Variants in CCDC7 observed in about 807,000 individuals in gnomAD.
CCDC7 encodes the protein coiled-coil domain-containing protein 7.
A neutral mutation model predicts 196.9 loss-of-function variants in CCDC7; 183 were observed. That is an observed-to-expected ratio of 0.93 (90% CI 0.82 to 1.05). CCDC7 has a LOEUF of 1.05. Ranked by LOEUF, CCDC7 falls within the 50% of genes least tolerant of loss-of-function variation. CCDC7 has a pLI of 0.00. For synonymous variants in CCDC7, 525 were observed against 484.6 expected (o/e 1.08, Z -1.10); for missense variants, 1,540 against 1,482.2 (o/e 1.04, Z -0.64).
At chr10:32,448,992 C>T (rs1432731766), upstream of CCDC7, among the ~76,000 whole-genome samples, 1 of 151,930 alleles carries the variant, frequency 6.6e-6, no homozygotes, top group African/African-American at 2.4e-5. Flanking sequence ...TATTCTTCAG[C>T]AGTATTATTT....
intron 28 of CCDC7, among the ~76,000 whole-genome samples, chr10:32,749,196 GT>G (rs950468567): frequency 6.6e-6 from 1 of 152,168 alleles, no homozygotes; most frequent in Non-Finnish European, 1.5e-5. Flanking sequence ...TCTAAGAAGA[GT>G]TATTTTTCAA....
chr10:32,683,612 G>A (rs570226874), intron 21 of CCDC7, among the ~76,000 whole-genome samples: 11 of 152,268 alleles, frequency 7.2e-5, no homozygotes, highest in South Asian at 2.1e-4. Context: ...CTATGAGCAC[G>A]GAATGTTTTT....
At chr10:32,468,315 T>C (rs2037262928) in intron 5 of CCDC7, among the ~76,000 whole-genome samples, 1 of 148,198 alleles carries the variant, frequency 6.7e-6, no homozygotes, top group Non-Finnish European at 1.5e-5. Context: ...CCTGGTTAGC[T>C]GTATTCCTAG....
intron 28 of CCDC7, among the ~76,000 whole-genome samples, chr10:32,770,447 T>G (rs2079003447): frequency 6.6e-6 from 1 of 152,186 alleles, no homozygotes. Context: ...TGGAATTGAT[T>G]TCTAGTTTTA....
chr10:32,506,097 TC>T (rs1371133782), intron 9 of CCDC7, among the ~76,000 whole-genome samples: 9 of 143,920 alleles, frequency 6.3e-5, no homozygotes, highest in South Asian at 2.2e-4. Flanking sequence ...GCTCCTCACT[TC>T]CCAGACAGGG....
rs150271085 is a variant in CCDC7, at chr10:32,552,674, A to G, written c.1134+8373A>G. On this transcript the variant is annotated intron_variant, in intron 13 of 41. Transcript: ENST00000639629. ...AAAAGACTGTATCTCTCCTTCATAT[A>G]TAATGCTTAGTTTCGCTAGATACAA... Among the ~76,000 whole-genome samples, 56 of 152,272 alleles carry G rather than the reference A, an allele frequency of 3.7e-4. No homozygotes were observed. In the East Asian group the frequency reaches 0.01, roughly 28 times the overall value.
intron 32 of CCDC7, among the ~76,000 whole-genome samples, chr10:32,832,826 G>T (rs543657679): frequency 6.6e-6 from 1 of 151,770 alleles, no homozygotes; most frequent in South Asian, 2.1e-4. Context: ...TAATTGTGTG[G>T]TACCATATAT....
intron 12 of CCDC7, 120 bp downstream of exon 13, chr10:32,543,505 T>G (rs973162310): frequency 2.9e-6 from 3 of 1,028,260 alleles, no homozygotes; most frequent in Non-Finnish European, 3.8e-6. Context: ...AACATAAAAT[T>G]GGCAAATACA....
At chr10:32,727,209 A>T (rs1388958253) in intron 26 of CCDC7, among the ~76,000 whole-genome samples, 1 of 152,110 alleles carries the variant, frequency 6.6e-6, no homozygotes, top group Non-Finnish European at 1.5e-5. Flanking sequence ...ACAAACTGAG[A>T]GGTTGTTGAG....
intron 3 of CCDC7, among the ~76,000 whole-genome samples, chr10:32,458,996 G>A (rs530964628): frequency 1.3e-5 from 2 of 151,846 alleles, no homozygotes; most frequent in Non-Finnish European, 2.9e-5. Context: ...TCATTGTAGA[G>A]ACCTTTCACC....
intron 20 of CCDC7, among the ~76,000 whole-genome samples, chr10:32,640,113 G>A (rs758692879): frequency 5.3e-5 from 8 of 152,094 alleles, no homozygotes; most frequent in Non-Finnish European, 8.8e-5. Flanking sequence ...TTTCTGTCTC[G>A]TCGATCTGTC....
At chr10:32,570,608 T>C (rs561857738) in intron 15 of CCDC7, among the ~76,000 whole-genome samples, 48 of 152,334 alleles carry the variant, frequency 3.2e-4, no homozygotes, top group Admixed American at 5.2e-4. Context: ...GTTTGCCATC[T>C]TATGTGTGGC....
At chr10:32,805,580 AGAT>A (rs2085652082) in intron 30 of CCDC7, among the ~76,000 whole-genome samples, 1 of 152,228 alleles carries the variant, frequency 6.6e-6, no homozygotes, top group African/African-American at 2.4e-5. Context: ...AAAATAGTTC[AGAT>A]ATTATACTAC....
chr10:32,797,181 G>GTATA (rs201318562), intron 29 of CCDC7, among the ~76,000 whole-genome samples: 6 of 149,834 alleles, frequency 4.0e-5, no homozygotes, highest in Non-Finnish European at 7.4e-5. Flanking sequence ...GTGTGTGTGT[G>GTATA]TATATATATA....
intron 11 of CCDC7, among the ~76,000 whole-genome samples, chr10:32,542,420 G>T (rs1315608012): frequency 6.6e-6 from 1 of 152,062 alleles, no homozygotes; most frequent in Non-Finnish European, 1.5e-5. Context: ...ATCACCAGAG[G>T]TCAGGAGTTC....
At chr10:32,626,320 T>A (rs1034357567) in intron 18 of CCDC7, among the ~76,000 whole-genome samples, 4 of 152,104 alleles carry the variant, frequency 2.6e-5, no homozygotes, top group African/African-American at 9.6e-5. Flanking sequence ...TAATTAATGA[T>A]GTTGAGCTTT....
intron 30 of CCDC7, 91 bp from the exon 32 acceptor site, chr10:32,814,277 AAC>A (rs1183635757): frequency 7.4e-5 from 66 of 893,548 alleles, no homozygotes; most frequent in Non-Finnish European, 9.5e-5. Context: ...TTAAGTTAGT[AAC>A]ACACACACAT....
At chr10:32,834,786 C>T (rs377151077) in intron 32 of CCDC7, 29 bp from the exon 34 acceptor site, 18 of 1,021,872 alleles carry the variant, frequency 1.8e-5, no homozygotes, top group African/African-American at 9.3e-5. Context: ...CCTTTCAAAG[C>T]GTTTTGAAAA....
chr10:32,738,228 A>T (rs565760324), intron 28 of CCDC7, among the ~76,000 whole-genome samples: 5 of 152,226 alleles, frequency 3.3e-5, no homozygotes, highest in Admixed American at 2.6e-4. Context: ...CTTAGAATTT[A>T]CAATGTACAT....
Sources: allele counts gnomAD v4.1 joint callset (sites outside exome capture counted in the v4.1 genomes callset), GRCh38; gene constraint gnomAD v4.1.1; transcripts MANE v1.5; gene names NCBI Gene and HGNC (gene_info 2026-07-23, HGNC 2026-07-21).